DTWD2: variants seen among roughly 807,000 people sequenced by gnomAD.
DTWD2 encodes DTW motif tRNA-uridine aminocarboxypropyltransferase 2, also known as tRNA-uridine aminocarboxypropyltransferase 2.
Under a neutral mutation model 31.8 loss-of-function variants are expected in DTWD2, and 39 were observed. That is an observed-to-expected ratio of 1.22 (90% CI 0.95 to 1.60). The LOEUF is 1.60. Among genes scored for constraint, DTWD2 ranks in the 40% most tolerant of loss-of-function variants. The probability of loss-of-function intolerance (pLI) is 0.00; values close to 1 mark genes in which losing one functional copy is unlikely to be tolerated. For synonymous variants in DTWD2, 180 were observed against 142.8 expected (o/e 1.26, Z -1.86); for missense variants, 515 against 381.5 (o/e 1.35, Z -2.92).
intron 4 of DTWD2, among the ~76,000 whole-genome samples, chr5:118,857,804 A>G (rs1278450804): frequency 6.6e-6 from 1 of 152,178 alleles, no homozygotes; most frequent in Non-Finnish European, 1.5e-5. Context: ...CACAGTATTG[A>G]GTGAAGTACA....
chr5:118,857,229 G>T (rs868722915), intron 4 of DTWD2, among the ~76,000 whole-genome samples: 7 of 152,080 alleles, frequency 4.6e-5, no homozygotes, highest in African/African-American at 1.4e-4. Flanking sequence ...TCATGTGTGT[G>T]GGGGTGTGTA....
At chr5:118,877,934 C>A (rs1185938884) in intron 4 of DTWD2, among the ~76,000 whole-genome samples, 2 of 152,114 alleles carry the variant, frequency 1.3e-5, no homozygotes, top group Admixed American at 1.3e-4. Flanking sequence ...AAACCTACTC[C>A]CATTCACAAC....
At chr5:118,927,859 T>A (rs1032258535) in intron 4 of DTWD2, among the ~76,000 whole-genome samples, 1 of 152,122 alleles carries the variant, frequency 6.6e-6, no homozygotes, top group Non-Finnish European at 1.5e-5. Context: ...AGAAAAATAT[T>A]AAAATCTCTC....
intron 4 of DTWD2, among the ~76,000 whole-genome samples, chr5:118,872,008 T>G (rs1752516416): frequency 6.6e-6 from 1 of 152,218 alleles, no homozygotes; most frequent in Non-Finnish European, 1.5e-5. Context: ...CATCAGCACT[T>G]GACGATTCAC....
intron 4 of DTWD2, among the ~76,000 whole-genome samples, chr5:118,877,239 G>A (rs765500649): frequency 1.3e-5 from 2 of 152,170 alleles, no homozygotes; most frequent in Non-Finnish European, 2.9e-5. Context: ...TTGGGAGACC[G>A]AGGCAGGTGG....
chr5:118,907,348 G>T (rs767935), intron 4 of DTWD2, among the ~76,000 whole-genome samples: 35,462 of 151,858 alleles, frequency 0.23, 6,641 homozygotes, highest in African/African-American at 0.53. Context: ...GATATATATA[G>T]AGAGAGAGAG....
intron 3 of DTWD2, among the ~76,000 whole-genome samples, chr5:118,933,859 A>C (rs7722850): frequency 0.098 from 14,876 of 151,274 alleles, 804 homozygotes; most frequent in Middle Eastern, 0.18. Flanking sequence ...ATCTATGTAG[A>C]AAAGTCCAGG....
chr5:118,843,437 T>C (rs1255594591), intron 5 of DTWD2, among the ~76,000 whole-genome samples: 2 of 151,972 alleles, frequency 1.3e-5, no homozygotes, highest in African/African-American at 2.4e-5. Context: ...CACAATATTA[T>C]TGTAGAAAAC....
At chr5:118,886,097 T>C (rs143617540) in intron 4 of DTWD2, among the ~76,000 whole-genome samples, 10 of 152,366 alleles carry the variant, frequency 6.6e-5, no homozygotes, top group African/African-American at 2.4e-4. Context: ...ATCTGGTTTA[T>C]GTTTTATTAT....
chr5:118,906,819 C>T (rs1753344570), intron 4 of DTWD2, among the ~76,000 whole-genome samples: 1 of 152,048 alleles, frequency 6.6e-6, no homozygotes, highest in Non-Finnish European at 1.5e-5. Context: ...GCAAACTGCA[C>T]ACTTTAAACA....
chr5:118,977,828 A>C lies in DTWD2; in HGVS notation c.218+10466T>G, dbSNP rs1755200305. 3.3e-5 allele frequency among the ~76,000 whole-genome samples: 5 copies of C among 152,322 alleles called. No individual in the cohort carries two copies. The South Asian group carries it at 1.0e-3, about 32-fold the overall frequency. ...AACATTCTTCACAGTATTAGGAAAAACTATTTTAAAATTCATATGGAACCA... is the reference window on the plus strand; with the variant it reads ...AACATTCTTCACAGTATTAGGAAAACCTATTTTAAAATTCATATGGAACCA... On this transcript the variant is annotated intron_variant, in intron 1 of 5. Coordinates refer to ENST00000510708, the MANE Select transcript of DTWD2 (RefSeq NM_173666.4).
intron 5 of DTWD2, among the ~76,000 whole-genome samples, chr5:118,847,888 T>A (rs1047888373): frequency 4.0e-5 from 6 of 150,644 alleles, no homozygotes; most frequent in Admixed American, 2.6e-4. Context: ...AGTATGAATA[T>A]TTAAATAATA....
intron 4 of DTWD2, among the ~76,000 whole-genome samples, chr5:118,925,434 C>A (rs12109156): frequency 6.6e-6 from 1 of 151,922 alleles, no homozygotes; most frequent in East Asian, 1.9e-4. Context: ...TTCAAAATAG[C>A]GTGGCTAATG....
At chr5:118,894,848 A>C (rs1753047472) in intron 4 of DTWD2, among the ~76,000 whole-genome samples, 1 of 152,172 alleles carries the variant, frequency 6.6e-6, no homozygotes, top group Admixed American at 6.5e-5. Context: ...CTGGTACAGA[A>C]AAAACATACC....
intron 4 of DTWD2, among the ~76,000 whole-genome samples, chr5:118,867,220 G>A (rs1293974602): frequency 6.6e-6 from 1 of 152,018 alleles, no homozygotes; most frequent in Non-Finnish European, 1.5e-5. Flanking sequence ...TTTACAGGCA[G>A]AATATATAAT....
chr5:118,971,273 T>C lies in DTWD2; in HGVS notation c.218+17021A>G, dbSNP rs187517438. Reference sequence around the variant, plus strand: ...TGCAAAGACACATATAACCTCAAAATAAAGGGATAAAGGAAAATTTACCAA... The same window carrying C: ...TGCAAAGACACATATAACCTCAAAACAAAGGGATAAAGGAAAATTTACCAA... On this transcript the variant is annotated intron_variant, in intron 1 of 5. Coordinates refer to ENST00000510708, the MANE Select transcript of DTWD2 (RefSeq NM_173666.4). Among the ~76,000 whole-genome samples, 1,118 of 151,860 alleles carry C rather than the reference T, an allele frequency of 7.4e-3. 3 individuals carry two copies. The highest frequency in any genetic ancestry group is 0.041 in the Middle Eastern group (12 of 294).
chr5:118,917,758 G>A (rs1753611057), intron 4 of DTWD2, among the ~76,000 whole-genome samples: 3 of 152,116 alleles, frequency 2.0e-5, no homozygotes, highest in Admixed American at 2.0e-4. Context: ...GATCACTTGA[G>A]GTCAAGAGTT....
intron 4 of DTWD2, among the ~76,000 whole-genome samples, chr5:118,875,775 A>G (rs1752607200): frequency 6.6e-6 from 1 of 152,122 alleles, no homozygotes; most frequent in African/African-American, 2.4e-5. Flanking sequence ...GGAGACTTTA[A>G]CACCCCACGG....
At chr5:118,892,293 A>T (rs1213310015) in intron 4 of DTWD2, among the ~76,000 whole-genome samples, 1 of 152,182 alleles carries the variant, frequency 6.6e-6, no homozygotes, top group African/African-American at 2.4e-5. Flanking sequence ...TAAGATAATC[A>T]TGTAAACACC....
Sources: allele counts gnomAD v4.1 joint callset (sites outside exome capture counted in the v4.1 genomes callset), GRCh38; gene constraint gnomAD v4.1.1; transcripts MANE v1.5; gene names NCBI Gene and HGNC (gene_info 2026-07-23, HGNC 2026-07-21).